The following ZNF277 variants were observed in gnomAD, a reference collection of about 807,000 sequenced individuals.
The protein encoded by ZNF277 is zinc finger protein 277.
ZNF277 carries 55 observed loss-of-function variants against 60.7 expected under a neutral mutation model. The observed-to-expected ratio is 0.91, with a 90% CI of 0.73 to 1.13. The LOEUF (loss-of-function observed/expected upper bound fraction) is 1.13, where lower values mean the gene tolerates loss of function less well. Among genes scored for constraint, ZNF277 ranks in the 50% most tolerant of loss-of-function variants. The pLI, the probability that ZNF277 is intolerant of heterozygous loss-of-function variation, is 0.00. For missense variants in ZNF277, 510 were observed against 523.0 expected, an observed-to-expected ratio of 0.98 and a Z score of 0.24; for synonymous variants, 178 against 179.3, an observed-to-expected ratio of 0.99 and a Z score of 0.06.
At chr7:112,302,949 C>CTTTTTTTTT (rs34593342) in intron 4 of ZNF277, among the ~76,000 whole-genome samples, 25 of 132,868 alleles carry the variant, frequency 1.9e-4, no homozygotes, top group African/African-American at 7.2e-4. Context: ...GCAAATAGGC[C>CTTTTTTTTT]TTTTTTTTTT....
chr7:112,217,424 G>T (rs996192551), intron 1 of ZNF277, among the ~76,000 whole-genome samples: 2 of 152,232 alleles, frequency 1.3e-5, no homozygotes, highest in African/African-American at 4.8e-5. Flanking sequence ...AATGTAAATT[G>T]AAAGTAGATC....
chr7:112,312,841 G>C (rs1168316955), intron 4 of ZNF277, among the ~76,000 whole-genome samples: 1 of 151,906 alleles, frequency 6.6e-6, no homozygotes, highest in Non-Finnish European at 1.5e-5. Flanking sequence ...GTCAGCAAAG[G>C]CAATTTCAAC....
chr7:112,278,623 T>A (rs1791871280), intron 1 of ZNF277, among the ~76,000 whole-genome samples: 1 of 152,194 alleles, frequency 6.6e-6, no homozygotes, highest in South Asian at 2.1e-4. Context: ...ATTCATTTTA[T>A]GTTGTGGAAA....
intron 4 of ZNF277, 113 bp downstream of exon 4, chr7:112,296,424 T>A (rs975339601): frequency 3.8e-6 from 2 of 523,112 alleles, no homozygotes; most frequent in Non-Finnish European, 6.5e-6. Context: ...TTCAAACATA[T>A]GTAAAAGAGG....
chr7:112,271,175 C>A (rs1791661176), intron 1 of ZNF277, among the ~76,000 whole-genome samples: 1 of 152,106 alleles, frequency 6.6e-6, no homozygotes, highest in South Asian at 2.1e-4. Flanking sequence ...GCAACATGTA[C>A]CATTTATGTA....
intron 1 of ZNF277, among the ~76,000 whole-genome samples, chr7:112,251,405 C>T (rs529102868): frequency 2.0e-5 from 3 of 152,234 alleles, no homozygotes; most frequent in African/African-American, 7.2e-5. Context: ...GAGAGAGTTC[C>T]ATAACTTAAA....
intron 1 of ZNF277, among the ~76,000 whole-genome samples, chr7:112,213,693 A>G (rs1821811623): frequency 6.6e-6 from 1 of 152,222 alleles, no homozygotes; most frequent in Non-Finnish European, 1.5e-5. Context: ...TATCCTATGC[A>G]CGGTTGTAAT....
intron 5 of ZNF277, among the ~76,000 whole-genome samples, chr7:112,321,230 C>A (rs1444863815): frequency 6.6e-6 from 1 of 151,782 alleles, no homozygotes; most frequent in African/African-American, 2.4e-5. Flanking sequence ...TCCCTTGTTT[C>A]TTATACCATA....
At chr7:112,222,484 A>G (rs1019115802) in intron 1 of ZNF277, among the ~76,000 whole-genome samples, 1 of 152,316 alleles carries the variant, frequency 6.6e-6, no homozygotes, top group Non-Finnish European at 1.5e-5. Flanking sequence ...AATTGCTCAT[A>G]GTACCCTCAT....
intron 2 of ZNF277, among the ~76,000 whole-genome samples, chr7:112,294,974 T>TC (rs1260290231): frequency 6.6e-6 from 1 of 152,188 alleles, no homozygotes; most frequent in African/African-American, 2.4e-5. Flanking sequence ...CTTTCTATAT[T>TC]CTTCATCTAT....
intron 2 of ZNF277, among the ~76,000 whole-genome samples, chr7:112,289,335 T>C (rs1243739997): frequency 6.6e-6 from 1 of 152,184 alleles, no homozygotes; most frequent in African/African-American, 2.4e-5. Flanking sequence ...CCATGTGCCT[T>C]CTGTGTATGT....
rs188626244 is a variant in ZNF277, at chr7:112,312,985, T to C, written c.466-5197T>C. 1.9e-4 allele frequency among the ~76,000 whole-genome samples: 29 copies of C among 152,292 alleles called. 1 individual carries two copies. Among genetic ancestry groups the C allele is most frequent in the African/African-American group, 7.0e-4 (29 of 41,584 alleles). On this transcript the variant is annotated intron_variant, in intron 4 of 11. Transcript: ENST00000361822. ...TATAAGTGAAAAATGGTCAAAAGTA[T>C]ATGTTATATCTTTGTTGTTATTTTA...
rs1353031036 is a variant in ZNF277, at chr7:112,264,654, G to A, written c.92-22219G>A. Among the ~76,000 whole-genome samples, 4 of 152,090 alleles carry A rather than the reference G, an allele frequency of 2.6e-5. No individual in the cohort carries two copies. In the South Asian group the frequency reaches 6.2e-4, roughly 24 times the overall value. On this transcript the variant is annotated intron_variant, in intron 1 of 11. Transcript: ENST00000361822. Reference sequence around the variant, plus strand: ...TTTTGAAATTTTAATAAAAATATATGTTGAAATATACAAGTATACCTCAGA... The same window carrying A: ...TTTTGAAATTTTAATAAAAATATATATTGAAATATACAAGTATACCTCAGA...
At chr7:112,318,387 G>A (rs931569911) in intron 5 of ZNF277, 114 bp downstream of exon 5, 12 of 829,348 alleles carry the variant, frequency 1.4e-5, no homozygotes, top group African/African-American at 8.6e-5. Flanking sequence ...GGACCCTTTC[G>A]TATATAAGCA....
chr7:112,319,317 A>G (rs758417966), intron 5 of ZNF277, among the ~76,000 whole-genome samples: 9 of 152,080 alleles, frequency 5.9e-5, no homozygotes, highest in South Asian at 2.1e-4. Context: ...CATTCATATA[A>G]TAAAGATACT....
intron 1 of ZNF277, among the ~76,000 whole-genome samples, chr7:112,253,029 T>C (rs890596412): frequency 3.9e-5 from 6 of 152,116 alleles, no homozygotes; most frequent in Non-Finnish European, 2.9e-5. Flanking sequence ...ATAAGTAGTG[T>C]CTGTGAATGG....
chr7:112,213,888 A>G (rs1486678788), intron 1 of ZNF277, among the ~76,000 whole-genome samples: 1 of 152,234 alleles, frequency 6.6e-6, no homozygotes, highest in African/African-American at 2.4e-5. Flanking sequence ...CTTCTGTAAA[A>G]TGAGTAATAC....
At chr7:112,211,542 G>A (rs908632470) in intron 1 of ZNF277, among the ~76,000 whole-genome samples, 3 of 152,192 alleles carry the variant, frequency 2.0e-5, no homozygotes, top group African/African-American at 7.2e-5. Context: ...GACCAGAATG[G>A]AATTCTAGCC....
intron 5 of ZNF277, among the ~76,000 whole-genome samples, chr7:112,323,020 T>C (rs1375522496): frequency 6.6e-6 from 1 of 150,964 alleles, no homozygotes; most frequent in Non-Finnish European, 1.5e-5. Flanking sequence ...TTAAATTCCT[T>C]GAACCACTGT....
Sources: allele counts gnomAD v4.1 joint callset (sites outside exome capture counted in the v4.1 genomes callset), GRCh38; gene constraint gnomAD v4.1.1; transcripts MANE v1.5; gene names NCBI Gene and HGNC (gene_info 2026-07-23, HGNC 2026-07-21).